KAZN: variants seen among roughly 807,000 people sequenced by gnomAD.
The protein encoded by KAZN is kazrin.
In KAZN, 40 loss-of-function variants were observed where a neutral mutation model predicts 87.4. The observed-to-expected ratio is 0.46, with a 90% CI of 0.36 to 0.60. The LOEUF (loss-of-function observed/expected upper bound fraction) is 0.60. Ranked by LOEUF, KAZN falls within the 20% of genes least tolerant of loss-of-function variation. The probability of loss-of-function intolerance (pLI) is 0.00; values close to 1 mark genes in which losing one functional copy is unlikely to be tolerated. For missense variants in KAZN, 898 were observed against 1,073.9 expected (o/e 0.84, Z 2.29); for synonymous variants, 466 against 458.3 (o/e 1.02, Z -0.22).
At chr1:14,246,753 G>A (rs1270110073) in intron 2 of KAZN, among the ~76,000 whole-genome samples, 1 of 152,102 alleles carries the variant, frequency 6.6e-6, no homozygotes, top group East Asian at 1.9e-4. Flanking sequence ...GCAATGTTTC[G>A]AGCTTTATGA....
chr1:14,864,278 A>G lies in KAZN; in HGVS notation c.227-96406A>G, dbSNP rs923499396. Among the ~76,000 whole-genome samples the G allele has an allele frequency of 1.4e-4, 22 of 152,224 alleles. 1 individual carries two copies. Among genetic ancestry groups the G allele is most frequent in the Non-Finnish European group, 5.9e-5 (4 of 68,044 alleles). On this transcript the variant is annotated intron_variant, in intron 1 of 14. Coordinates refer to ENST00000376030, the MANE Select transcript of KAZN (RefSeq NM_201628.3). Reference sequence around the variant, plus strand: ...AGGGACTGTTTCAACAATGGTTCACATGGGGGCCGGGCGCGGTGGCTCACG... The same window carrying G: ...AGGGACTGTTTCAACAATGGTTCACGTGGGGGCCGGGCGCGGTGGCTCACG...
chr1:14,443,298 G>T (rs917746178), intron 2 of KAZN, among the ~76,000 whole-genome samples: 8 of 152,230 alleles, frequency 5.3e-5, no homozygotes, highest in Non-Finnish European at 1.0e-4. Flanking sequence ...GAGATAAGGT[G>T]GCTGGCTGCC....
intron 1 of KAZN, among the ~76,000 whole-genome samples, chr1:14,088,500 AT>A (rs1474105870): frequency 4.0e-5 from 6 of 151,892 alleles, no homozygotes; most frequent in Non-Finnish European, 7.4e-5. Context: ...GTGGTCAGAG[AT>A]TTATATGATT....
At chr1:14,024,653 G>A (rs982326482) in intron 1 of KAZN, among the ~76,000 whole-genome samples, 5 of 152,216 alleles carry the variant, frequency 3.3e-5, no homozygotes, top group Non-Finnish European at 5.9e-5. Flanking sequence ...TCTGGAGCAG[G>A]TGTGGCACTC....
chr1:14,920,710 G>A (rs146118936), intron 1 of KAZN, among the ~76,000 whole-genome samples: 98 of 152,238 alleles, frequency 6.4e-4, no homozygotes, highest in Non-Finnish European at 1.2e-3. Context: ...ACCCAAGCTC[G>A]GGGCCCTTCT....
intron 2 of KAZN, among the ~76,000 whole-genome samples, chr1:14,464,752 G>A (rs979396931): frequency 2.6e-5 from 4 of 151,784 alleles, no homozygotes; most frequent in African/African-American, 7.3e-5. Context: ...TATTGATCAG[G>A]CTGGTCTCAA....
chr1:13,918,827 A>AT (rs900988656), intron 1 of KAZN, among the ~76,000 whole-genome samples: 1 of 152,160 alleles, frequency 6.6e-6, no homozygotes, highest in African/African-American at 2.4e-5. Flanking sequence ...GAGTATTAGC[A>AT]TTTTTTATTT....
intron 2 of KAZN, among the ~76,000 whole-genome samples, chr1:14,409,819 G>C (rs1194380760): frequency 6.6e-6 from 1 of 152,142 alleles, no homozygotes; most frequent in Non-Finnish European, 1.5e-5. Context: ...CTGAAAGATA[G>C]TATTTTCAGA....
At position 14,332,606 on chromosome 1, in the gene KAZN, G is replaced by C. The variant is rs190756908; in HGVS notation, c.249+152014G>C. Among the ~76,000 whole-genome samples the C allele has an allele frequency of 2.2e-3, 329 of 152,190 alleles. 1 individual carries two copies. Among genetic ancestry groups the C allele is most frequent in the African/African-American group, 7.5e-3 (313 of 41,530 alleles). ...CCAGCCTGGACATAATTCCTTCCCA[G>C]TTATGTTCAGTAGTAGCACCTTAAT... On this transcript the variant is annotated intron_variant, in intron 2 of 16. Transcript: ENST00000636203.
intron 2 of KAZN, among the ~76,000 whole-genome samples, chr1:14,575,191 G>A (rs1266734310): frequency 6.6e-6 from 1 of 152,078 alleles, no homozygotes; most frequent in Admixed American, 6.5e-5. Context: ...GATTTCAGTT[G>A]GTTGGGGGAA....
chr1:14,470,524 C>G (rs978966565), intron 2 of KAZN, among the ~76,000 whole-genome samples: 1 of 152,152 alleles, frequency 6.6e-6, no homozygotes, highest in Non-Finnish European at 1.5e-5. Flanking sequence ...AAATGTTGCA[C>G]TAAGTGAAGA....
At chr1:14,436,829 A>G (rs763306227) in intron 2 of KAZN, among the ~76,000 whole-genome samples, 5 of 152,148 alleles carry the variant, frequency 3.3e-5, no homozygotes, top group Non-Finnish European at 7.4e-5. Flanking sequence ...TTACTTGGCC[A>G]AGGTCCGACA....
intron 2 of KAZN, among the ~76,000 whole-genome samples, chr1:14,204,595 G>A (rs1024172940): frequency 8.6e-5 from 13 of 151,800 alleles, no homozygotes; most frequent in Admixed American, 3.3e-4. Context: ...TCCTATTTTT[G>A]TAAATGAAAA....
At chr1:14,487,334 T>A (rs78431676) in intron 2 of KAZN, among the ~76,000 whole-genome samples, 4,641 of 152,312 alleles carry the variant, frequency 0.03, 178 homozygotes, top group East Asian at 0.15. Flanking sequence ...CTTTATTAAT[T>A]TTCTTTGCTA....
chr1:15,104,333 C>T (rs1641220096), intron 13 of KAZN, 144 bp downstream of exon 13: 1 of 876,196 alleles, frequency 1.1e-6, no homozygotes. Flanking sequence ...TCACCTTTTA[C>T]AGATCAGGAA....
rs542202082 is a variant in KAZN, at chr1:14,330,819, A to G, written c.249+150227A>G. The stretch of plus-strand genomic sequence containing the variant: ...ATAGGAACACTATGGAACCATTGCA[A>G]AGAATAAAACAAAACTATATGTGTA... On this transcript the variant is annotated intron_variant, in intron 2 of 16. Transcript: ENST00000636203. Among the ~76,000 whole-genome samples, 44 of 152,316 alleles carry G rather than the reference A, an allele frequency of 2.9e-4. 3 individuals carry two copies. The South Asian group carries it at 9.1e-3, about 32-fold the overall frequency.
chr1:15,059,687 G>C (rs527694047), intron 5 of KAZN, among the ~76,000 whole-genome samples: 1 of 152,272 alleles, frequency 6.6e-6, no homozygotes, highest in East Asian at 1.9e-4. Flanking sequence ...AGTGGTGGTG[G>C]CCTTTAGGTT....
At chr1:14,621,847 T>C (rs1193607617) in intron 1 of KAZN, among the ~76,000 whole-genome samples, 1 of 152,226 alleles carries the variant, frequency 6.6e-6, no homozygotes. Flanking sequence ...GTGAGTCCAT[T>C]AAACCTCTTT....
At chr1:14,860,990 A>G (rs1308738835) in intron 1 of KAZN, among the ~76,000 whole-genome samples, 1 of 152,190 alleles carries the variant, frequency 6.6e-6, no homozygotes. Flanking sequence ...TCCCTGGTGC[A>G]TGTGAAGGAA....
Sources: gnomAD v4.1 joint callset for allele counts (sites outside exome capture counted in the v4.1 genomes callset) on GRCh38, gnomAD v4.1.1 for gene constraint, MANE v1.5 for transcripts, NCBI Gene and HGNC (gene_info 2026-07-23, HGNC 2026-07-21) for gene names.